TAF5L: variants seen among roughly 807,000 people sequenced by gnomAD.
The protein encoded by TAF5L is TATA-box binding protein associated factor 5 like.
TAF5L carries 7 observed loss-of-function variants against 51.3 expected under a neutral mutation model. The observed-to-expected ratio is 0.14, with a 90% CI of 0.08 to 0.26. TAF5L has a LOEUF of 0.26. Ranked by LOEUF, TAF5L falls within the 10% of genes least tolerant of loss-of-function variation. The pLI, the probability that TAF5L is intolerant of heterozygous loss-of-function variation, is 1.00. For missense variants in TAF5L, 575 were observed against 758.9 expected (o/e 0.76, Z 2.85); for synonymous variants, 291 against 308.1 (o/e 0.94, Z 0.58).
intron 3 of TAF5L, among the ~76,000 whole-genome samples, chr1:229,608,866 T>C (rs1664692772): frequency 1.3e-5 from 2 of 152,068 alleles, no homozygotes; most frequent in South Asian, 4.1e-4. Context: ...TAGCCAGGTG[T>C]TGTGGCACAT....
At chr1:229,622,025 CTATCTAT>C (rs1665220692) in intron 1 of TAF5L, among the ~76,000 whole-genome samples, 1 of 23,764 alleles carries the variant, frequency 4.2e-5, no homozygotes, top group Non-Finnish European at 9.5e-5. Context: ...CATCATCTAT[CTATCTAT>C]CTATCTATCT....
chr1:229,602,075 G>A lies in TAF5L; in HGVS notation c.972+120C>T, dbSNP rs1664396014. 2.6e-6 allele frequency: 4 copies of A among 1,510,144 alleles called. No homozygotes were observed. In the Admixed American group the frequency reaches 9.1e-5, roughly 34 times the overall value. 93.5% of individuals were successfully genotyped at this position (1,510,144 alleles called of 1,614,324 possible). On this transcript the variant is annotated intron_variant, in intron 4 of 4. Transcript: ENST00000258281. This position sits in a 1 kb window ranked among gnomAD's most constrained non-coding sequence, Gnocchi z 4.6. ...GCTACAGGTAACATGTCATTAGTCT[G>A]GCTTTAGCTATATGATGAGGGAAAC...
intron 3 of TAF5L, among the ~76,000 whole-genome samples, chr1:229,604,505 G>A (rs1664509424): frequency 6.6e-6 from 1 of 152,162 alleles, no homozygotes; most frequent in Admixed American, 6.5e-5. Context: ...GTTGGCTGGG[G>A]TAATTGATCC....
intron 3 of TAF5L, among the ~76,000 whole-genome samples, chr1:229,605,128 A>ATATATATATATATATATATTTTTT (rs1340196774): frequency 6.9e-6 from 1 of 145,096 alleles, no homozygotes; most frequent in African/African-American, 2.6e-5. Context: ...ATATATATGT[A>ATATATATATATATATATATTTTTT]TTTTTTTTTT....
At chr1:229,621,996 A>G (rs1665216601) in intron 1 of TAF5L, among the ~76,000 whole-genome samples, 1 of 151,998 alleles carries the variant, frequency 6.6e-6, no homozygotes, top group Non-Finnish European at 1.5e-5. Context: ...TCGGGTGAGC[A>G]GAACTTCTTT....
At chr1:229,614,535 G>A in intron 1 of TAF5L, 50 bp from the exon 2 acceptor site, 1 of 1,601,558 alleles carries the variant, frequency 6.2e-7, no homozygotes, top group Admixed American at 1.7e-5. Context: ...GCCTGGGAGA[G>A]CAACCTATCT....
rs528013224 is a variant in TAF5L at position 229,606,696 on chromosome 1, G to A, written c.247+3410C>T. ...TTTCACTTTAAAGAATTAACACTGG[G>A]TGTGTGCCTCTTAGGAGCCAGGTAC... On this transcript the variant is annotated intron_variant, in intron 3 of 4. Transcript: ENST00000258281. The A allele has an allele frequency of 5.1e-5, 50 of 985,290 alleles. No individual in the cohort carries two copies. The African/African-American group carries it at 8.0e-4, about 16-fold the overall frequency. The allele number at this position is 985,290 out of a possible 1,614,324, so 61.0% of individuals were successfully genotyped here. A position where few individuals can be genotyped will look rare whatever the true frequency, so the allele number is the denominator to read the frequency against.
At chr1:229,618,973 T>C (rs1290515653) in intron 1 of TAF5L, among the ~76,000 whole-genome samples, 1 of 152,232 alleles carries the variant, frequency 6.6e-6, no homozygotes, top group Non-Finnish European at 1.5e-5. Flanking sequence ...AATCCTCAAA[T>C]CAGCTCTTCA....
At chr1:229,624,856 C>T (rs1665370637) in intron 1 of TAF5L, among the ~76,000 whole-genome samples, 1 of 152,198 alleles carries the variant, frequency 6.6e-6, no homozygotes, top group Admixed American at 6.5e-5. Context: ...GGGGCACAGC[C>T]TCCGTGTCCT....
At position 229,594,799 on chromosome 1, in the gene TAF5L, G is replaced by A. The variant is rs1664055905; in HGVS notation, c.1268C>T (p.Ala423Val). The A allele has an allele frequency of 5.0e-6, 8 of 1,614,076 alleles. No homozygotes were observed. Among genetic ancestry groups the A allele is most frequent in the Non-Finnish European group, 6.8e-6 (8 of 1,180,038 alleles). Residue 423 changes from alanine (A) to valine (V), a missense_variant, in exon 5 of 5, where the codon GCA becomes GTA. Transcript: ENST00000258281. The surrounding 1 kb of genome is among the most constrained non-coding windows in gnomAD (Gnocchi z 7.9). ...ACAGTCCACATCTGCCAGGTGTCCT[G>A]CATATATCCTCAGCGGGTACGTCCG...
In TAF5L at chr1:229,602,998, A is replaced by G. The variant is rs1664446119; in HGVS notation, c.248-79T>C. 6.7e-7 allele frequency: 1 copy of G among 1,482,490 alleles called. No homozygotes were observed. Among genetic ancestry groups the G allele is most frequent in the African/African-American group, 1.4e-5 (1 of 71,144 alleles). 91.8% of individuals were successfully genotyped at this position (1,482,490 alleles called of 1,614,324 possible). A position where few individuals can be genotyped will look rare whatever the true frequency, so the allele number is the denominator to read the frequency against. On this transcript the variant is annotated intron_variant, in intron 3 of 4. Transcript: ENST00000258281. This position sits in a 1 kb window ranked among gnomAD's most constrained non-coding sequence, Gnocchi z 4.6. ...GTGATCCCTCCTGGGGATCACCACC[A>G]TCATATAATGCTTTCTTGCCAGGAC...
At chr1:229,619,802 T>C (rs978844950) in intron 1 of TAF5L, among the ~76,000 whole-genome samples, 2 of 152,148 alleles carry the variant, frequency 1.3e-5, no homozygotes, top group African/African-American at 2.4e-5. Flanking sequence ...CTTGAAACTC[T>C]CTTGGTCCCT....
At chr1:229,611,218 G>A (rs934163539) in intron 2 of TAF5L, among the ~76,000 whole-genome samples, 1 of 152,094 alleles carries the variant, frequency 6.6e-6, no homozygotes, top group Admixed American at 6.6e-5. Flanking sequence ...AACAAGGCTG[G>A]AGTCTCAATA....
rs1462632635 is a variant in TAF5L, at chr1:229,625,755, C to T, written c.-4+130G>A. On this transcript the variant is annotated intron_variant, in intron 1 of 4. Transcript: ENST00000258281. The surrounding 1 kb of genome is among the most constrained non-coding windows in gnomAD (Gnocchi z 4.0). Reference sequence around the variant, plus strand: ...CCCCAGCCCCGCCTCCCGCGCCCCACCCCCACCGCCCGCCGGCGGGAGCCA... The same window carrying T: ...CCCCAGCCCCGCCTCCCGCGCCCCATCCCCACCGCCCGCCGGCGGGAGCCA... 2 of 141,854 alleles carry T rather than the reference C, an allele frequency of 1.4e-5. No homozygotes were observed. Among genetic ancestry groups the T allele is most frequent in the Non-Finnish European group, 3.1e-5 (2 of 64,032 alleles). 8.8% of individuals were successfully genotyped at this position (141,854 alleles called of 1,614,324 possible).
intron 4 of TAF5L, among the ~76,000 whole-genome samples, chr1:229,597,779 A>G (rs1263614791): frequency 6.6e-6 from 1 of 152,234 alleles, no homozygotes; most frequent in Non-Finnish European, 1.5e-5. Flanking sequence ...AACAAGAAAA[A>G]TAAACATAAA....
At chr1:229,621,298 A>G (rs961810015) in intron 1 of TAF5L, among the ~76,000 whole-genome samples, 1 of 152,256 alleles carries the variant, frequency 6.6e-6, no homozygotes, top group African/African-American at 2.4e-5. Flanking sequence ...AAAGTTTTGC[A>G]TAACACTTCT....
chr1:229,615,461 C>T (rs2102761716), intron 1 of TAF5L, among the ~76,000 whole-genome samples: 1 of 152,098 alleles, frequency 6.6e-6, no homozygotes, highest in East Asian at 1.9e-4. Context: ...AGAAAGGCAG[C>T]ACAACACTAA....
chr1:229,611,485 G>A (rs1361936274), intron 2 of TAF5L, among the ~76,000 whole-genome samples: 1 of 152,108 alleles, frequency 6.6e-6, no homozygotes, highest in African/African-American at 2.4e-5. Context: ...TACGTAGAAA[G>A]GGAAACACAG....
At position 229,602,827 on chromosome 1, in the gene TAF5L, T is replaced by C; in HGVS notation, c.340A>G (p.Ser114Gly). ...CGGCTGTAAAAACTTTCCACTGTGC[T>C]CTTCGGACTGTTTTGGACCAGGTTG... Residue 114 changes from serine (S) to glycine (G), a missense_variant, in exon 4 of 5, where the codon AGC becomes GGC. Physicochemically the swap from Ser to Gly is moderately conservative, Grantham distance 56 (BLOSUM62 0). Transcript: ENST00000258281. This position sits in a 1 kb window ranked among gnomAD's most constrained non-coding sequence, Gnocchi z 4.6. 1 of 1,613,208 alleles carries C rather than the reference T, an allele frequency of 6.2e-7. No homozygotes were observed. The highest frequency in any genetic ancestry group is 8.5e-7 in the Non-Finnish European group (1 of 1,180,030).
Sources: allele counts gnomAD v4.1 joint callset (sites outside exome capture counted in the v4.1 genomes callset), GRCh38; gene constraint gnomAD v4.1.1; non-coding constraint Gnocchi (gnomAD v3.1); transcripts MANE v1.5; gene names NCBI Gene and HGNC (gene_info 2026-07-23, HGNC 2026-07-21).